Variants in TPST1 observed in about 807,000 individuals in gnomAD.
The protein encoded by TPST1 is protein-tyrosine sulfotransferase 1.
In TPST1, 20 loss-of-function variants were observed where a neutral mutation model predicts 34.8. The ratio of observed to expected loss-of-function variants is 0.57; its 90% CI spans 0.40 to 0.84. The LOEUF (loss-of-function observed/expected upper bound fraction) is 0.84. TPST1 is among the 40% of genes least tolerant of loss of function. The pLI is 0.00. For missense variants in TPST1, 353 were observed against 455.5 expected (o/e 0.78, Z 2.05); for synonymous variants, 152 against 159.4 (o/e 0.95, Z 0.35).
intron 1 of TPST1, among the ~76,000 whole-genome samples, chr7:66,217,943 G>A (rs1049311731): frequency 6.6e-6 from 1 of 151,490 alleles, no homozygotes. Flanking sequence ...GAAGTGGTAC[G>A]ATCTTGGCTC....
chr7:66,254,002 C>CAAAA (rs60795420), intron 2 of TPST1, among the ~76,000 whole-genome samples: 5 of 113,556 alleles, frequency 4.4e-5, no homozygotes, highest in Non-Finnish European at 3.6e-5. Flanking sequence ...GACTCTGTTT[C>CAAAA]AAAAAAAAAA....
At chr7:66,261,783 A>G (rs2115721005) in intron 2 of TPST1, among the ~76,000 whole-genome samples, 1 of 152,312 alleles carries the variant, frequency 6.6e-6, no homozygotes, top group Admixed American at 6.5e-5. Context: ...CTTCATGTGT[A>G]AAATGGTGAT....
Position 66,340,844 on chromosome 7 carries a change from C to G in TPST1, c.1045-11661C>G, listed in dbSNP as rs548738330. On this transcript the variant is annotated intron_variant, in intron 3 of 5. Transcript: ENST00000304842. ...TGGCCAACATAGTGAAACCCCATCT[C>G]TACTAAAAATAGAAAAATTAGCCAG... 5.3e-5 allele frequency among the ~76,000 whole-genome samples: 8 copies of G among 152,260 alleles called. No homozygotes were observed. The South Asian group carries it at 1.5e-3, about 28-fold the overall frequency.
chr7:66,225,176 C>G (rs937020304), intron 1 of TPST1, among the ~76,000 whole-genome samples: 1 of 151,456 alleles, frequency 6.6e-6, no homozygotes, highest in Non-Finnish European at 1.5e-5. Context: ...CTTGGCCTCC[C>G]AAAGTGCTGG....
At chr7:66,348,744 T>C (rs1012478108) in intron 3 of TPST1, among the ~76,000 whole-genome samples, 3 of 152,240 alleles carry the variant, frequency 2.0e-5, no homozygotes, top group Admixed American at 6.5e-5. Flanking sequence ...TAGAAATTGC[T>C]TTGTCAGTGG....
chr7:66,352,544 GA>G lies in TPST1; in HGVS notation c.1089del (p.Lys363AsnfsTer18). On this transcript the variant is annotated frameshift_variant, in exon 4 of 6. Coordinates refer to ENST00000304842, the MANE Select transcript of TPST1 (RefSeq NM_003596.4). LOFTEE classifies it high-confidence loss of function. ...ATTCCAACTACCTGACTTTCTTAAA[GA>G]AAAACCACAGGTACTGTGTCTGCTT... ...GEFQLPDFLK[E>X]KPQTEQVE 6.2e-7 allele frequency: 1 copy of G among 1,612,224 alleles called. No homozygotes were observed. The highest frequency in any genetic ancestry group is 8.5e-7 in the Non-Finnish European group (1 of 1,179,494).
chr7:66,307,186 C>T (rs1000578747), intron 3 of TPST1, among the ~76,000 whole-genome samples: 1 of 150,420 alleles, frequency 6.6e-6, no homozygotes, highest in South Asian at 2.1e-4. Flanking sequence ...GATGAGATCT[C>T]GGCTCACTGC....
At chr7:66,219,308 A>G (rs1225488213) in intron 1 of TPST1, among the ~76,000 whole-genome samples, 3 of 152,152 alleles carry the variant, frequency 2.0e-5, no homozygotes, top group Non-Finnish European at 4.4e-5. Flanking sequence ...CACAACAAAC[A>G]TGGGAAACCT....
chr7:66,298,343 T>G (rs1183492577), intron 3 of TPST1, among the ~76,000 whole-genome samples: 5 of 152,226 alleles, frequency 3.3e-5, no homozygotes, highest in African/African-American at 9.6e-5. Flanking sequence ...AACACACCCA[T>G]TTAGACCTTC....
intron 3 of TPST1, among the ~76,000 whole-genome samples, chr7:66,320,845 G>T (rs925022199): frequency 3.9e-5 from 6 of 151,976 alleles, no homozygotes; most frequent in African/African-American, 9.7e-5. Flanking sequence ...TGATCTGCCC[G>T]CCTCAGCCTC....
At chr7:66,357,992 G>T (rs1031792971) in intron 5 of TPST1, among the ~76,000 whole-genome samples, 2 of 152,168 alleles carry the variant, frequency 1.3e-5, no homozygotes, top group African/African-American at 4.8e-5. Flanking sequence ...GCTGAGGCAG[G>T]AGAATCACTT....
At chr7:66,236,083 C>T (rs1789907217) in intron 1 of TPST1, among the ~76,000 whole-genome samples, 1 of 152,028 alleles carries the variant, frequency 6.6e-6, no homozygotes. Flanking sequence ...AATACTTTGA[C>T]AGACAGTGAG....
chr7:66,226,652 T>A (rs1373642973), intron 1 of TPST1, among the ~76,000 whole-genome samples: 1 of 152,226 alleles, frequency 6.6e-6, no homozygotes, highest in Admixed American at 6.5e-5. Flanking sequence ...CTCCCCCTAT[T>A]AATTAACGTA....
At chr7:66,238,457 C>G (rs770075384) in intron 1 of TPST1, among the ~76,000 whole-genome samples, 1 of 147,222 alleles carries the variant, frequency 6.8e-6, no homozygotes, top group Non-Finnish European at 1.5e-5. Flanking sequence ...ACCACTCAGT[C>G]AGTACTGAAA....
chr7:66,332,851 A>G lies in TPST1; in HGVS notation c.1045-19654A>G, dbSNP rs1341590888. Among the ~76,000 whole-genome samples the G allele has an allele frequency of 6.6e-6, 1 of 152,168 alleles. No individual in the cohort carries two copies. Among genetic ancestry groups the G allele is most frequent in the Non-Finnish European group, 1.5e-5 (1 of 68,034 alleles). ...TTACGTGCAAATACTACACCATTTT[A>G]TATAAGGCACTTGAGCACCTGTGGA... On this transcript the variant is annotated intron_variant, in intron 3 of 5. Coordinates refer to ENST00000304842, the MANE Select transcript of TPST1 (RefSeq NM_003596.4). This position sits in a 1 kb window ranked among gnomAD's most constrained non-coding sequence, Gnocchi z 4.5.
At position 66,240,321 on chromosome 7, in the gene TPST1, C is replaced by A; in HGVS notation, c.-101-4C>A. 7.4e-7 allele frequency: 1 copy of A among 1,355,412 alleles called. No individual in the cohort carries two copies. Among genetic ancestry groups the A allele is most frequent in the Non-Finnish European group, 9.9e-7 (1 of 1,011,208 alleles). The allele number at this position is 1,355,412 out of a possible 1,614,324, so 84.0% of individuals were successfully genotyped here. ...GATAAATAACCTTTTCCTTTCTCTA[C>A]TAGATGTTGGTTATCTTTCTGAAGT... is the stretch of plus-strand genomic sequence containing the variant. On this transcript the variant is annotated splice_region_variant and splice_polypyrimidine_tract_variant and intron_variant, in intron 1 of 5. Coordinates refer to ENST00000304842, the MANE Select transcript of TPST1 (RefSeq NM_003596.4).
chr7:66,316,080 A>G (rs1791627357), intron 3 of TPST1, among the ~76,000 whole-genome samples: 1 of 151,832 alleles, frequency 6.6e-6, no homozygotes, highest in Non-Finnish European at 1.5e-5. Context: ...ATTGCACTCC[A>G]GCCTGGGCAA....
At chr7:66,298,872 C>T (rs1237459401) in intron 3 of TPST1, among the ~76,000 whole-genome samples, 1 of 151,930 alleles carries the variant, frequency 6.6e-6, no homozygotes, top group Non-Finnish European at 1.5e-5. Flanking sequence ...ACCTGTAATC[C>T]CAGCACTTTG....
intron 2 of TPST1, among the ~76,000 whole-genome samples, chr7:66,253,481 A>C (rs1790312120): frequency 1.3e-5 from 2 of 149,230 alleles, no homozygotes; most frequent in South Asian, 2.1e-4. Flanking sequence ...AGCGATTCTC[A>C]TGCCTCAATT....
Sources: allele counts gnomAD v4.1 joint callset (sites outside exome capture counted in the v4.1 genomes callset), GRCh38; gene constraint gnomAD v4.1.1; non-coding constraint Gnocchi (gnomAD v3.1); transcripts MANE v1.5; gene names NCBI Gene and HGNC (gene_info 2026-07-23, HGNC 2026-07-21).